NELL1: variants seen among roughly 807,000 people sequenced by gnomAD.
The protein encoded by NELL1 is protein kinase C-binding protein NELL1.
NELL1 carries 76 observed loss-of-function variants against 107.4 expected under a neutral mutation model. The observed-to-expected ratio is 0.71, with a 90% CI of 0.59 to 0.86. The LOEUF (loss-of-function observed/expected upper bound fraction) is 0.86, where lower values mean the gene tolerates loss of function less well. NELL1 is among the 40% of genes least tolerant of loss of function. The probability of loss-of-function intolerance (pLI) is 0.00; values close to 1 mark genes in which losing one functional copy is unlikely to be tolerated. For missense variants in NELL1, 1,024 were observed against 1,005.5 expected (o/e 1.02, Z -0.25); for synonymous variants, 353 against 341.2 (o/e 1.03, Z -0.38).
In NELL1 at chr11:21,466,916, C is replaced by T. The variant is rs188140702; in HGVS notation, c.1646-67458C>T. 3.2e-3 allele frequency among the ~76,000 whole-genome samples: 484 copies of T among 151,996 alleles called. 3 individuals carry two copies. The highest frequency in any genetic ancestry group is 0.011 in the African/African-American group (467 of 41,464). ...TATCTCATATGACGGATATGAATATCTCCCCAGACATTCATGTCAGTGAAA... is the reference window on the plus strand; with the variant it reads ...TATCTCATATGACGGATATGAATATTTCCCCAGACATTCATGTCAGTGAAA... On this transcript the variant is annotated intron_variant, in intron 15 of 19. Transcript: ENST00000357134.
At chr11:21,026,079 T>TA (rs1244944330) in intron 12 of NELL1, among the ~76,000 whole-genome samples, 1 of 152,194 alleles carries the variant, frequency 6.6e-6, no homozygotes, top group Non-Finnish European at 1.5e-5. Flanking sequence ...TCACCTCTGT[T>TA]ATTGCATTAG....
chr11:21,452,779 T>C (rs1366530848), intron 15 of NELL1, among the ~76,000 whole-genome samples: 1 of 151,982 alleles, frequency 6.6e-6, no homozygotes, highest in Non-Finnish European at 1.5e-5. Flanking sequence ...ATATTTCTTT[T>C]TTACTATATT....
intron 2 of NELL1, among the ~76,000 whole-genome samples, chr11:20,767,679 T>C (rs530207121): frequency 4.7e-4 from 71 of 152,350 alleles, no homozygotes; most frequent in African/African-American, 1.6e-3. Context: ...TGAGGGGCTA[T>C]TGGCCTAGGT....
intron 14 of NELL1, among the ~76,000 whole-genome samples, chr11:21,339,361 A>C (rs541916879): frequency 3.9e-5 from 6 of 152,326 alleles, no homozygotes; most frequent in African/African-American, 1.2e-4. Context: ...AGAGTCAAGG[A>C]AAGTTTCTCC....
At chr11:21,133,801 C>T (rs1267796916) in intron 13 of NELL1, among the ~76,000 whole-genome samples, 2 of 152,132 alleles carry the variant, frequency 1.3e-5, no homozygotes, top group African/African-American at 4.8e-5. Flanking sequence ...ACAGGGGCTT[C>T]CTAGGCCCTG....
rs115528659 is a variant in NELL1 at position 21,447,720 on chromosome 11, T to C, written c.1645+76772T>C. On this transcript the variant is annotated intron_variant, in intron 15 of 19. Transcript: ENST00000357134. ...AAAACCCCTTAGCCACCCTGGCTTGTGTCTTACTTGCCTGGCTTGTATCTT... is the reference window on the plus strand; with the variant it reads ...AAAACCCCTTAGCCACCCTGGCTTGCGTCTTACTTGCCTGGCTTGTATCTT... Among the ~76,000 whole-genome samples, 356 of 152,238 alleles carry C rather than the reference T, an allele frequency of 2.3e-3. 1 individual carries two copies. Among genetic ancestry groups the C allele is most frequent in the African/African-American group, 7.9e-3 (329 of 41,552 alleles).
chr11:20,710,473 T>A (rs1009803038), intron 2 of NELL1, among the ~76,000 whole-genome samples: 1 of 152,212 alleles, frequency 6.6e-6, no homozygotes, highest in Non-Finnish European at 1.5e-5. Flanking sequence ...GATTTTTGCA[T>A]CTGTGTTCAT....
chr11:21,125,799 T>G lies in NELL1; in HGVS notation c.1426+12085T>G, dbSNP rs1855474083. Among the ~76,000 whole-genome samples, 5 of 152,198 alleles carry G rather than the reference T, an allele frequency of 3.3e-5. No homozygotes were observed. In the South Asian group the frequency reaches 1.0e-3, roughly 32 times the overall value. On this transcript the variant is annotated intron_variant, in intron 13 of 19. Coordinates refer to ENST00000357134, the MANE Select transcript of NELL1 (RefSeq NM_006157.5). ...GAAATAGATCCATCTCCATTTTTAT[T>G]GATCTACAATGTGAACTGGAGGTTA...
rs376572284 is a variant in NELL1, at chr11:20,934,106, T to C, written c.998-3680T>C. On this transcript the variant is annotated intron_variant, in intron 9 of 19. Transcript: ENST00000357134. Reference sequence around the variant, plus strand: ...CCTTATGCTTGAATTTCCTCAGACATAAAAAATAAGCCTTTTGGCTATAGA... The same window carrying C: ...CCTTATGCTTGAATTTCCTCAGACACAAAAAATAAGCCTTTTGGCTATAGA... Among the ~76,000 whole-genome samples the C allele has an allele frequency of 5.9e-5, 9 of 152,158 alleles. No homozygotes were observed. The South Asian group carries it at 8.3e-4, about 14-fold the overall frequency.
At chr11:21,258,212 A>G (rs1360606377) in intron 14 of NELL1, among the ~76,000 whole-genome samples, 1 of 152,046 alleles carries the variant, frequency 6.6e-6, no homozygotes, top group East Asian at 1.9e-4. Context: ...ATTTGAGGAC[A>G]AGGGAAAATC....
intron 3 of NELL1, among the ~76,000 whole-genome samples, chr11:20,846,877 C>G (rs979120419): frequency 6.6e-6 from 1 of 152,080 alleles, no homozygotes. Context: ...GAGGAGTGTC[C>G]CAAAGTTGCT....
At chr11:21,381,901 G>T in intron 15 of NELL1, among the ~76,000 whole-genome samples, 1 of 124,022 alleles carries the variant, frequency 8.1e-6, no homozygotes, top group Non-Finnish European at 1.6e-5. Flanking sequence ...GTCCCTGGAA[G>T]GGATTTTTTT....
At chr11:21,261,371 C>G (rs890631408) in intron 14 of NELL1, among the ~76,000 whole-genome samples, 2 of 151,598 alleles carry the variant, frequency 1.3e-5, no homozygotes, top group Non-Finnish European at 2.9e-5. Flanking sequence ...TTGAAAGGCT[C>G]CAGTGTGTTG....
At chr11:21,037,254 T>C (rs541245483) in intron 12 of NELL1, among the ~76,000 whole-genome samples, 36 of 152,244 alleles carry the variant, frequency 2.4e-4, no homozygotes, top group African/African-American at 8.4e-4. Flanking sequence ...AAAATGTGAA[T>C]TTACCCACCT....
chr11:20,929,573 A>G (rs943134981), intron 9 of NELL1, among the ~76,000 whole-genome samples: 1 of 152,124 alleles, frequency 6.6e-6, no homozygotes, highest in Non-Finnish European at 1.5e-5. Flanking sequence ...AGGCAGCTCA[A>G]GTGTCTGGAT....
rs186795188 is a variant in NELL1, at chr11:20,911,747, G to A, written c.604-6435G>A. On this transcript the variant is annotated intron_variant, in intron 5 of 19. Transcript: ENST00000357134. Reference sequence around the variant, plus strand: ...CCTAATAGGAGTGGCCTCATGGAATGGCTCATTACAAAGATACTTTCCATG... The same window carrying A: ...CCTAATAGGAGTGGCCTCATGGAATAGCTCATTACAAAGATACTTTCCATG... Among the ~76,000 whole-genome samples, 305 of 152,264 alleles carry A rather than the reference G, an allele frequency of 2.0e-3. 2 individuals carry two copies. The highest frequency in any genetic ancestry group is 5.6e-3 in the Admixed American group (86 of 15,278).
intron 2 of NELL1, among the ~76,000 whole-genome samples, chr11:20,768,190 G>T (rs2133965354): frequency 6.6e-6 from 1 of 152,266 alleles, no homozygotes; most frequent in South Asian, 2.1e-4. Context: ...ATTGTGCAAA[G>T]GAGATAGGTA....
chr11:20,898,100 A>G lies in NELL1; in HGVS notation c.603+12560A>G, dbSNP rs555711317. On this transcript the variant is annotated intron_variant, in intron 5 of 19. Coordinates refer to ENST00000357134, the MANE Select transcript of NELL1 (RefSeq NM_006157.5). ...TACCCAAAGGATTATAAATCATGCTATTATAAAGGCACATGCACACATATG... is the reference window on the plus strand; with the variant it reads ...TACCCAAAGGATTATAAATCATGCTGTTATAAAGGCACATGCACACATATG... 3.9e-5 allele frequency among the ~76,000 whole-genome samples: 6 copies of G among 152,270 alleles called. No individual in the cohort carries two copies. The East Asian group carries it at 5.8e-4, about 15-fold the overall frequency.
At chr11:20,902,137 C>T (rs903960652) in intron 5 of NELL1, among the ~76,000 whole-genome samples, 7 of 151,912 alleles carry the variant, frequency 4.6e-5, no homozygotes, top group Middle Eastern at 3.4e-3. Flanking sequence ...TAAAAAAATG[C>T]ACAAGTCCTT....
Sources: gnomAD v4.1 joint callset for allele counts (sites outside exome capture counted in the v4.1 genomes callset) on GRCh38, gnomAD v4.1.1 for gene constraint, MANE v1.5 for transcripts, NCBI Gene and HGNC (gene_info 2026-07-23, HGNC 2026-07-21) for gene names.